The following APLF variants were observed in gnomAD, a reference collection of about 807,000 sequenced individuals.
APLF encodes the protein aprataxin and PNKP like factor.
Under a neutral mutation model 55.6 loss-of-function variants are expected in APLF, and 61 were observed. The observed-to-expected ratio is 1.10, with a 90% CI of 0.89 to 1.36. The LOEUF (loss-of-function observed/expected upper bound fraction) is 1.36. APLF is among the 40% of genes most tolerant of loss of function. APLF has a pLI of 0.00. For missense variants in APLF, 611 were observed against 602.5 expected, an observed-to-expected ratio of 1.01 and a Z score of -0.15; for synonymous variants, 207 against 214.8, an observed-to-expected ratio of 0.96 and a Z score of 0.32.
chr2:68,530,155 G>C (rs1233963249), intron 6 of APLF, among the ~76,000 whole-genome samples: 1 of 152,256 alleles, frequency 6.6e-6, no homozygotes, highest in Admixed American at 6.5e-5. Context: ...TCATGGCCCA[G>C]CCAGGCTTTG....
intron 5 of APLF, among the ~76,000 whole-genome samples, chr2:68,518,747 TA>T (rs1292019805): frequency 2.8e-5 from 3 of 109,070 alleles, no homozygotes; most frequent in African/African-American, 1.2e-4. Context: ...AATATATCAT[TA>T]ATATATAATA....
At chr2:68,567,836 C>T (rs7600298) in intron 9 of APLF, among the ~76,000 whole-genome samples, 16,452 of 152,080 alleles carry the variant, frequency 0.11, 1,149 homozygotes, top group African/African-American at 0.19. Context: ...CCTCTTCCAA[C>T]GAGGGACTTT....
rs1012970944 is a variant in APLF, at chr2:68,467,726, C to T, written c.-6C>T. On this transcript the variant is annotated 5_prime_UTR_variant, in exon 1 of 10. Coordinates refer to ENST00000303795, the MANE Select transcript of APLF (RefSeq NM_173545.3). ...TCCTGGCGAAGGGGCCTAATCCTTG[C>T]CCGCCATGTCCGGGGGCTTCGAGCT... 1.6e-6 allele frequency: 2 copies of T among 1,234,848 alleles called. No individual in the cohort carries two copies. Among genetic ancestry groups the T allele is most frequent in the Non-Finnish European group, 2.0e-6 (2 of 987,942 alleles). 76.5% of individuals were successfully genotyped at this position (1,234,848 alleles called of 1,614,324 possible).
chr2:68,490,649 G>A (rs1044151362), intron 2 of APLF, among the ~76,000 whole-genome samples: 1 of 152,130 alleles, frequency 6.6e-6, no homozygotes, highest in Non-Finnish European at 1.5e-5. Flanking sequence ...CTATCACTCT[G>A]TATAGAGTTG....
At chr2:68,539,283 C>T (rs184211798) in intron 7 of APLF, among the ~76,000 whole-genome samples, 14 of 152,276 alleles carry the variant, frequency 9.2e-5, no homozygotes, top group African/African-American at 3.1e-4. Context: ...TAACAAAATA[C>T]CAGATTGGGT....
intron 9 of APLF, among the ~76,000 whole-genome samples, chr2:68,576,636 A>G (rs1671632932): frequency 1.3e-5 from 2 of 152,166 alleles, no homozygotes; most frequent in African/African-American, 2.4e-5. Context: ...TCCTTTCTGG[A>G]ATGCGTACTG....
intron 9 of APLF, among the ~76,000 whole-genome samples, chr2:68,573,451 T>C (rs1338811016): frequency 2.0e-5 from 3 of 152,076 alleles, no homozygotes; most frequent in Admixed American, 1.3e-4. Context: ...GGCGGGTGGA[T>C]CACCTGAGGT....
chr2:68,559,924 C>T (rs1671123391), intron 8 of APLF, among the ~76,000 whole-genome samples: 1 of 152,056 alleles, frequency 6.6e-6, no homozygotes, highest in African/African-American at 2.4e-5. Context: ...ACTTCATTTC[C>T]TACTATTTTC....
chr2:68,481,076 TTTTG>T (rs1469525112), intron 1 of APLF, among the ~76,000 whole-genome samples: 2 of 152,190 alleles, frequency 1.3e-5, no homozygotes, highest in African/African-American at 4.8e-5. Context: ...GTAATTTTCT[TTTTG>T]TTTGTGTGTC....
intron 2 of APLF, among the ~76,000 whole-genome samples, chr2:68,500,577 G>A (rs1190478849): frequency 6.6e-6 from 1 of 152,174 alleles, no homozygotes; most frequent in Non-Finnish European, 1.5e-5. Context: ...AGTATTTAAC[G>A]TTGTTTAGAG....
chr2:68,556,583 T>C (rs1671020370), intron 8 of APLF, among the ~76,000 whole-genome samples: 1 of 152,204 alleles, frequency 6.6e-6, no homozygotes, highest in Admixed American at 6.6e-5. Context: ...TGTATTCCTG[T>C]TCTTACTTGT....
chr2:68,509,642 C>T (rs1676983955), intron 3 of APLF, among the ~76,000 whole-genome samples: 1 of 152,014 alleles, frequency 6.6e-6, no homozygotes, highest in Non-Finnish European at 1.5e-5. Flanking sequence ...AGTTCAACCA[C>T]TGTGGAAGAC....
In APLF at chr2:68,531,116, A is replaced by G. The variant is rs535326808; in HGVS notation, c.804+4874A>G. 2.2e-4 allele frequency among the ~76,000 whole-genome samples: 33 copies of G among 152,194 alleles called. 1 individual carries two copies. Among genetic ancestry groups the G allele is most frequent in the African/African-American group, 6.5e-4 (27 of 41,510 alleles). ...TTTCTAGACCTTCTTTCCTCTTTCAATTTTTGCTAACTCACTAGGATGGTT... is the reference window on the plus strand; with the variant it reads ...TTTCTAGACCTTCTTTCCTCTTTCAGTTTTTGCTAACTCACTAGGATGGTT... On this transcript the variant is annotated intron_variant, in intron 6 of 9. Transcript: ENST00000303795.
chr2:68,473,368 A>G lies in APLF; in HGVS notation c.96+5541A>G. The stretch of plus-strand genomic sequence containing the variant: ...GATAGCTCATTTCTTTTTAGTGATG[A>G]ATAATATTCCATTGTCGGTTTATCC... On this transcript the variant is annotated intron_variant, in intron 1 of 9. Transcript: ENST00000303795. Among the ~76,000 whole-genome samples the G allele has an allele frequency of 1.3e-5, 2 of 152,172 alleles. 1 individual carries two copies. The highest frequency in any genetic ancestry group is 1.3e-4 in the Admixed American group (2 of 15,278).
rs1573226028 is a variant in APLF at position 68,529,355 on chromosome 2, T to C, written c.804+3113T>C. Reference sequence around the variant, plus strand: ...AGGCACAGGTGCAGGAGCCGCGGGGTGAGCCCGGCCAGCTGGGAAGGCCTC... The same window carrying C: ...AGGCACAGGTGCAGGAGCCGCGGGGCGAGCCCGGCCAGCTGGGAAGGCCTC... On this transcript the variant is annotated intron_variant, in intron 6 of 9. Coordinates refer to ENST00000303795, the MANE Select transcript of APLF (RefSeq NM_173545.3). The surrounding 1 kb of genome is among the most constrained non-coding windows in gnomAD (Gnocchi z 4.4). The C allele has an allele frequency of 7.6e-7, 1 of 1,312,646 alleles. No homozygotes were observed. Among genetic ancestry groups the C allele is most frequent in the East Asian group, 3.0e-5 (1 of 33,828 alleles). The allele number at this position is 1,312,646 out of a possible 1,614,324, so 81.3% of individuals were successfully genotyped here.
chr2:68,556,855 G>T (rs1274678230), intron 8 of APLF, among the ~76,000 whole-genome samples: 2 of 152,122 alleles, frequency 1.3e-5, no homozygotes, highest in African/African-American at 4.8e-5. Flanking sequence ...AGTGCTCTCA[G>T]TGTAATACTG....
chr2:68,486,221 G>A (rs767192974), intron 1 of APLF, among the ~76,000 whole-genome samples: 2 of 152,036 alleles, frequency 1.3e-5, no homozygotes, highest in Non-Finnish European at 2.9e-5. Flanking sequence ...TTCAGACCTG[G>A]AATGTGACAT....
intron 7 of APLF, among the ~76,000 whole-genome samples, chr2:68,539,459 G>C (rs1670489263): frequency 6.6e-6 from 1 of 152,224 alleles, no homozygotes; most frequent in African/African-American, 2.4e-5. Context: ...TACCTTCCTG[G>C]TCTCTTTTCC....
chr2:68,556,374 AG>A (rs760730222), intron 8 of APLF, among the ~76,000 whole-genome samples: 1 of 152,220 alleles, frequency 6.6e-6, no homozygotes, highest in African/African-American at 2.4e-5. Context: ...TAATAAAAAA[AG>A]GTATCTTGCC....
Sources: gnomAD v4.1 joint callset for allele counts (sites outside exome capture counted in the v4.1 genomes callset) on GRCh38, gnomAD v4.1.1 for gene constraint, Gnocchi (gnomAD v3.1) non-coding constraint, MANE v1.5 for transcripts, NCBI Gene and HGNC (gene_info 2026-07-23, HGNC 2026-07-21) for gene names.